SYF2: variants seen among roughly 807,000 people sequenced by gnomAD.
SYF2 encodes the protein SYF2 pre-mRNA splicing factor.
In SYF2, 21 loss-of-function variants were observed where a neutral mutation model predicts 32.7. The ratio of observed to expected loss-of-function variants is 0.64; its 90% CI spans 0.45 to 0.92. The LOEUF (loss-of-function observed/expected upper bound fraction) is 0.92. Among genes scored for constraint, SYF2 ranks in the 40% least tolerant of loss-of-function variants. SYF2 has a pLI of 0.00. For synonymous variants in SYF2, 114 were observed against 103.9 expected, an observed-to-expected ratio of 1.10 and a Z score of -0.59; for missense variants, 278 against 296.5, an observed-to-expected ratio of 0.94 and a Z score of 0.46.
At chr1:25,223,946 C>T (rs938978684) in intron 6 of SYF2, among the ~76,000 whole-genome samples, 15 of 152,166 alleles carry the variant, frequency 9.9e-5, no homozygotes, top group African/African-American at 3.6e-4. Flanking sequence ...GTAACCCCAG[C>T]ACTTTGGGAG....
Position 25,223,378 on chromosome 1 carries a change from T to G in SYF2, c.620A>C (p.Asp207Ala). ...ATTCCTTTCATTAATGTAGTCGATA[T>G]CTGCATCATCATTATAAGGACGTCT... is the stretch of plus-strand genomic sequence containing the variant. ...SRRRPYNDDA[D>A]IDYINERNAK... Residue 207 changes from aspartate (D) to alanine (A), a missense_variant, in exon 7 of 7, where the codon GAT becomes GCT. By Grantham distance (126) the Asp-to-Ala change is moderately radical. Transcript: ENST00000236273. The G allele has an allele frequency of 6.2e-7, 1 of 1,613,986 alleles. No individual in the cohort carries two copies. The highest frequency in any genetic ancestry group is 8.5e-7 in the Non-Finnish European group (1 of 1,179,966).
At chr1:25,228,949 C>T in intron 3 of SYF2, 49 bp downstream of exon 3, 5 of 1,591,110 alleles carry the variant, frequency 3.1e-6, no homozygotes, top group Non-Finnish European at 4.3e-6. Flanking sequence ...TGTCTTGATA[C>T]AACAGAATGA....
chr1:25,231,942 A>C (rs1305374834), intron 2 of SYF2, 162 bp downstream of exon 2: 20 of 737,570 alleles, frequency 2.7e-5, no homozygotes, highest in African/African-American at 5.2e-5. Flanking sequence ...GAATGATCCC[A>C]ATGTGCTGCC....
intron 1 of SYF2, 101 bp from the exon 2 acceptor site, chr1:25,232,312 TCCA>T (rs1638650551): frequency 4.4e-6 from 7 of 1,583,502 alleles, no homozygotes; most frequent in Non-Finnish European, 6.0e-6. Flanking sequence ...GCCTAGGGCC[TCCA>T]CCGCCGACTT....
intron 3 of SYF2, among the ~76,000 whole-genome samples, chr1:25,228,536 T>C (rs938881644): frequency 6.6e-6 from 1 of 152,202 alleles, no homozygotes; most frequent in Non-Finnish European, 1.5e-5. Context: ...GGTTTCACCA[T>C]GTTGGCCATG....
chr1:25,228,113 C>G lies in SYF2; in HGVS notation c.376+5G>C. On this transcript the variant is annotated splice_donor_5th_base_variant and intron_variant, in intron 4 of 6. Coordinates refer to ENST00000236273, the MANE Select transcript of SYF2 (RefSeq NM_015484.5). ...TCAATAAGGTTCAATAAAGGTCAATCTGACCTGAAAATCCCAGATCAGGGT... is the reference window on the plus strand; with the variant it reads ...TCAATAAGGTTCAATAAAGGTCAATGTGACCTGAAAATCCCAGATCAGGGT... The G allele has an allele frequency of 6.2e-7, 1 of 1,608,964 alleles. No homozygotes were observed. The highest frequency in any genetic ancestry group is 1.1e-5 in the South Asian group (1 of 90,984).
rs923483458 is a variant in SYF2 at position 25,232,387 on chromosome 1, G to A, written c.24+57C>T. 3.1e-6 allele frequency: 5 copies of A among 1,613,762 alleles called. No homozygotes were observed. In the African/African-American group the frequency reaches 4.0e-5, roughly 13 times the overall value. ...AGACTTCGCCTCCACCTCTCTCCAG[G>A]CCGCTCCCCGGAACCCTCACCAACA... On this transcript the variant is annotated intron_variant, in intron 1 of 6. Transcript: ENST00000236273.
In SYF2 at chr1:25,227,469, T is replaced by A. The variant is rs146484238; in HGVS notation, c.440A>T (p.Glu147Val). Residue 147 changes from glutamate (E) to valine (V), a missense_variant, in exon 5 of 7, where the codon GAA becomes GTA. By Grantham distance (121) the Glu-to-Val change is moderately radical. Transcript: ENST00000236273. The part of the protein sequence containing the change: ...RLTKQIKPDM[E>V]TYERLREKHG... ...TTTTTCTCTCAGTCTCTCATATGTT[T>A]CCATGTCAGGTTTGATCTGCTTGGT... 2 of 1,613,698 alleles carry A rather than the reference T, an allele frequency of 1.2e-6. No homozygotes were observed. The highest frequency in any genetic ancestry group is 1.3e-5 in the African/African-American group (1 of 74,908).
chr1:25,223,190 T>C lies in SYF2; in HGVS notation c.*76A>G, dbSNP rs1638441314. 6.9e-7 allele frequency: 1 copy of C among 1,442,354 alleles called. No homozygotes were observed. 89.3% of individuals were successfully genotyped at this position (1,442,354 alleles called of 1,614,324 possible). On this transcript the variant is annotated 3_prime_UTR_variant, in exon 7 of 7. Coordinates refer to ENST00000236273, the MANE Select transcript of SYF2 (RefSeq NM_015484.5). ...ACTAAATTCTGGATTACTGATAAAA[T>C]TTCAAAAAGAACTTGATTTTGCTAG... is the stretch of plus-strand genomic sequence containing the variant.
In SYF2 at chr1:25,228,228, G is replaced by A. The variant is rs35324907; in HGVS notation, c.266C>T (p.Ala89Val). 37,752 of 1,610,018 alleles carry A rather than the reference G, an allele frequency of 0.023. 604 individuals are homozygous for A. Among genetic ancestry groups the A allele is most frequent in the Admixed American group, 0.034 (2,052 of 59,740 alleles). Residue 89 changes from alanine to valine, a missense_variant, in exon 4 of 7, where the codon GCG becomes GTG. Transcript: ENST00000236273. Reference sequence around the variant, plus strand: ...TTTCTCATAGTCTTCTCCTCTTGCCGCACATTCCTAAAAAGAAGAAAAAAG... The same window carrying A: ...TTTCTCATAGTCTTCTCCTCTTGCCACACATTCCTAAAAAGAAGAAAAAAG... ...LKEEEKKKEC[A>V]ARGEDYEKVK...
chr1:25,232,135 AGT>A lies in SYF2; in HGVS notation c.99_100del (p.Arg33SerfsTer13). 1.9e-6 allele frequency: 3 copies of A among 1,614,048 alleles called. No homozygotes were observed. Among genetic ancestry groups the A allele is most frequent in the Non-Finnish European group, 2.5e-6 (3 of 1,180,008 alleles). On this transcript the variant is annotated frameshift_variant, in exon 2 of 7. Transcript: ENST00000236273. LOFTEE classifies it high-confidence loss of function. The stretch of plus-strand genomic sequence containing the variant: ...CAGGTGCAGCTCCCGGAATTTGCGC[AGT>A]CTCTGTTCGCGCTTCTGAGCGGCCA...
intron 5 of SYF2, among the ~76,000 whole-genome samples, chr1:25,225,440 A>G (rs1020137084): frequency 2.0e-5 from 3 of 151,954 alleles, no homozygotes; most frequent in Admixed American, 1.3e-4. Context: ...AGGCAGGAGA[A>G]GCACTTGAAC....
intron 5 of SYF2, among the ~76,000 whole-genome samples, 167 bp from the exon 6 acceptor site, chr1:25,225,267 T>A (rs1638484349): frequency 6.6e-6 from 1 of 151,902 alleles, no homozygotes; most frequent in African/African-American, 2.4e-5. Flanking sequence ...GTGGCTCACA[T>A]CTGTAATCCC....
At chr1:25,229,280 G>C (rs2124512732) in intron 2 of SYF2, among the ~76,000 whole-genome samples, 157 bp from the exon 3 acceptor site, 1 of 152,250 alleles carries the variant, frequency 6.6e-6, no homozygotes, top group Non-Finnish European at 1.5e-5. Context: ...TTAAGCCAGG[G>C]AATAGCCTAA....
At position 25,232,501 on chromosome 1, in the gene SYF2, A is replaced by C. The variant is rs1638656826; in HGVS notation, c.-34T>G. 6.2e-7 allele frequency: 1 copy of C among 1,613,970 alleles called. No individual in the cohort carries two copies. The highest frequency in any genetic ancestry group is 8.5e-7 in the Non-Finnish European group (1 of 1,180,010). On this transcript the variant is annotated 5_prime_UTR_variant, in exon 1 of 7. Coordinates refer to ENST00000236273, the MANE Select transcript of SYF2 (RefSeq NM_015484.5). The stretch of plus-strand genomic sequence containing the variant: ...TTCTCTCTTCCCACTTCCGGCAACA[A>C]GATAGAGCACTTCCGTCAACCTTCA...
chr1:25,223,814 A>C (rs1443154722), intron 6 of SYF2, among the ~76,000 whole-genome samples: 1 of 152,120 alleles, frequency 6.6e-6, no homozygotes, highest in Non-Finnish European at 1.5e-5. Context: ...GGAGTTCCAG[A>C]CCAGGGCCTG....
At chr1:25,230,487 T>A (rs2124513586) in intron 2 of SYF2, 1 of 152,336 alleles carries the variant, frequency 6.6e-6, no homozygotes, top group East Asian at 1.9e-4. Flanking sequence ...ACACAATCAC[T>A]CTAAATATTT....
Position 25,228,227 on chromosome 1 carries a change from C to G in SYF2, c.267G>C (p.Ala89=), listed in dbSNP as rs755566111. The G allele has an allele frequency of 1.9e-6, 3 of 1,611,676 alleles. No homozygotes were observed. The African/African-American group carries it at 4.0e-5, about 22-fold the overall frequency. The change falls in exon 4 of 7, where the codon GCG becomes GCC. Residue 89 remains alanine, a synonymous_variant. Transcript: ENST00000236273. ...CTTTCTCATAGTCTTCTCCTCTTGC[C>G]GCACATTCCTAAAAAGAAGAAAAAA... ...LKEEEKKKEC[A]ARGEDYEKVK... is the part of the protein sequence containing the mutation.
intron 1 of SYF2, 48 bp from the exon 2 acceptor site, chr1:25,232,259 C>A: frequency 6.3e-7 from 1 of 1,575,814 alleles, no homozygotes; most frequent in Non-Finnish European, 8.6e-7. Flanking sequence ...CAGCTTCTCC[C>A]AGGACTGCCC....
Sources: allele counts gnomAD v4.1 joint callset (sites outside exome capture counted in the v4.1 genomes callset), GRCh38; gene constraint gnomAD v4.1.1; transcripts MANE v1.5; gene names NCBI Gene and HGNC (gene_info 2026-07-23, HGNC 2026-07-21).